Variants in ZNF638 observed in about 807,000 individuals in gnomAD.
ZNF638 encodes zinc finger protein 638.
In ZNF638, 46 loss-of-function variants were observed where a neutral mutation model predicts 195.6. The observed-to-expected ratio is 0.24, with a 90% CI of 0.19 to 0.30. The LOEUF is 0.30. Among genes scored for constraint, ZNF638 ranks in the 10% least tolerant of loss-of-function variants. The pLI is 1.00. For synonymous variants in ZNF638, 845 were observed against 772.0 expected (o/e 1.09, Z -1.57); for missense variants, 2,440 against 2,325.3 (o/e 1.05, Z -1.01).
Position 71,406,269 on chromosome 2 carries a change from A to T in ZNF638, c.3135+7A>T, listed in dbSNP as rs202159092. On this transcript the variant is annotated splice_region_variant and intron_variant, in intron 19 of 27. Transcript: ENST00000264447. The stretch of plus-strand genomic sequence containing the variant: ...CATAAGTAATAGAAACAAGGTAACA[A>T]GTTCCCTCATAATTTAGCTATTCAT... The T allele has an allele frequency of 7.5e-6, 12 of 1,608,664 alleles. No individual in the cohort carries two copies. Among genetic ancestry groups the T allele is most frequent in the Non-Finnish European group, 3.4e-6 (4 of 1,175,322 alleles).
intron 8 of ZNF638, among the ~76,000 whole-genome samples, chr2:71,377,675 C>G (rs1470844772): frequency 6.6e-6 from 1 of 152,128 alleles, no homozygotes; most frequent in Non-Finnish European, 1.5e-5. Context: ...TGATCCTACT[C>G]TTGGTGTGAA....
rs1390230159 is a variant in ZNF638 at position 71,365,613 on chromosome 2, A to T, written c.1902A>T (p.Gly634=). 6.2e-7 allele frequency: 1 copy of T among 1,614,184 alleles called. No homozygotes were observed. Among genetic ancestry groups the T allele is most frequent in the Admixed American group, 1.7e-5 (1 of 60,030 alleles). The change falls in exon 6 of 28, where the codon GGA becomes GGT. Residue 634 remains glycine, a synonymous_variant. Coordinates refer to ENST00000264447, the MANE Select transcript of ZNF638 (RefSeq NM_014497.5). ...SATKSDSNLG[G]HSIRCKSKNL... is the part of the protein sequence containing the mutation. ...CAAAGAGTGATTCAAATCTAGGAGG[A>T]CATTCTATTCGTTGTAAATCAAAGA...
At chr2:71,392,704 T>C (rs935058250) in intron 10 of ZNF638, among the ~76,000 whole-genome samples, 5 of 151,858 alleles carry the variant, frequency 3.3e-5, no homozygotes, top group African/African-American at 7.3e-5. Flanking sequence ...CCACCAAAAT[T>C]AGAGAAACTT....
intron 6 of ZNF638, among the ~76,000 whole-genome samples, chr2:71,367,101 G>A (rs528060050): frequency 6.0e-4 from 92 of 152,176 alleles, no homozygotes; most frequent in African/African-American, 2.1e-3. Flanking sequence ...TAATCAACCA[G>A]TAATTAACAG....
chr2:71,350,028 T>C lies in ZNF638; in HGVS notation c.1074T>C (p.Asn358=), dbSNP rs977563593. Residue 358 remains asparagine (N), a synonymous_variant, in exon 2 of 28, where the codon AAT becomes AAC. Transcript: ENST00000264447. ...GGATCCCACATGAACCTGTGATTAATTCATCTAACGTACATGTTGGATCAA... is the reference window on the plus strand; with the variant it reads ...GGATCCCACATGAACCTGTGATTAACTCATCTAACGTACATGTTGGATCAA... ...QERIPHEPVI[N]SSNVHVGSRG... 2.0e-5 allele frequency: 32 copies of C among 1,614,230 alleles called. No individual in the cohort carries two copies. The highest frequency in any genetic ancestry group is 2.7e-5 in the Non-Finnish European group (32 of 1,180,052).
At position 71,422,873 on chromosome 2, in the gene ZNF638, C is replaced by A. The variant is rs771976665; in HGVS notation, c.3359C>A (p.Pro1120His). 6.2e-7 allele frequency: 1 copy of A among 1,613,928 alleles called. No individual in the cohort carries two copies. Among genetic ancestry groups the A allele is most frequent in the South Asian group, 1.1e-5 (1 of 91,068 alleles). Residue 1120 changes from proline to histidine, a missense_variant, in exon 22 of 28, where the codon CCC becomes CAC. Physicochemically the swap from Pro to His is moderately conservative, Grantham distance 77 (BLOSUM62 -2). Around this residue, in one of 5 missense-constraint regions of ZNF638, gnomAD observed 1,883 missense variants for 1,739.1 expected, o/e 1.08. Coordinates refer to ENST00000264447, the MANE Select transcript of ZNF638 (RefSeq NM_014497.5). ...GAGGTGCAAACAGCAACTGATAGTC[C>A]CTCTGTTAAACCTAATGAGCTTGAA... Reference protein sequence around the residue: ...ESEVQTATDSPSVKPNELEEE... With the variant: ...ESEVQTATDSHSVKPNELEEE...
intron 1 of ZNF638, among the ~76,000 whole-genome samples, chr2:71,336,110 G>A (rs975637405): frequency 1.3e-5 from 2 of 152,122 alleles, no homozygotes; most frequent in Admixed American, 1.3e-4. Context: ...GGTGGCTCAC[G>A]CCTGTAATCC....
At chr2:71,408,810 T>A (rs1313104302) in intron 20 of ZNF638, 2 of 375,296 alleles carry the variant, frequency 5.3e-6, no homozygotes, top group South Asian at 4.3e-5. Context: ...TGTGGTGTCC[T>A]TGTGTTGTCA....
chr2:71,423,530 A>G lies in ZNF638; in HGVS notation c.4016A>G (p.Asp1339Gly). The part of the protein sequence containing the change: ...EKAEKNEGRM[D>G]AEKVEKMAAM... The stretch of plus-strand genomic sequence containing the variant: ...GCTGAAAAGAATGAAGGTAGGATGG[A>G]TGCAGAAAAGGTGGAAAAGATGGCA... The change falls in exon 22 of 28, where the codon GAT becomes GGT. Residue 1339 changes from aspartate (D) to glycine (G), a missense_variant. Physicochemically the swap from Asp to Gly is moderately conservative, Grantham distance 94. Around this residue, in one of 5 missense-constraint regions of ZNF638, gnomAD observed 1,883 missense variants for 1,739.1 expected, o/e 1.08. Coordinates refer to ENST00000264447, the MANE Select transcript of ZNF638 (RefSeq NM_014497.5). 6.2e-7 allele frequency: 1 copy of G among 1,614,098 alleles called. No homozygotes were observed. Among genetic ancestry groups the G allele is most frequent in the Non-Finnish European group, 8.5e-7 (1 of 1,180,014 alleles).
chr2:71,348,030 A>T (rs1356605776), intron 1 of ZNF638, among the ~76,000 whole-genome samples: 1 of 152,190 alleles, frequency 6.6e-6, no homozygotes, highest in Non-Finnish European at 1.5e-5. Flanking sequence ...AGTGCTCTAT[A>T]TAGTTAATCA....
chr2:71,380,327 A>G (rs2079513705), intron 9 of ZNF638, 47 bp downstream of exon 9: 1 of 1,396,158 alleles, frequency 7.2e-7, no homozygotes, highest in Admixed American at 2.5e-5. Flanking sequence ...TGTGCATATG[A>G]CTTAAGAAAT....
chr2:71,434,843 T>C lies in ZNF638; in HGVS notation c.*36T>C. 1.3e-6 allele frequency: 2 copies of C among 1,531,500 alleles called. No homozygotes were observed. Among genetic ancestry groups the C allele is most frequent in the South Asian group, 1.2e-5 (1 of 82,356 alleles). The allele number at this position is 1,531,500 out of a possible 1,614,324, so 94.9% of individuals were successfully genotyped here. ...GGAAAGAATTCACTAGAAATTTGTT[T>C]AGGGTCCAGTTGATTTGTGTATTTT... On this transcript the variant is annotated 3_prime_UTR_variant, in exon 28 of 28. Coordinates refer to ENST00000264447, the MANE Select transcript of ZNF638 (RefSeq NM_014497.5).
At chr2:71,346,759 G>T (rs2078856831) in intron 1 of ZNF638, among the ~76,000 whole-genome samples, 1 of 152,102 alleles carries the variant, frequency 6.6e-6, no homozygotes, top group Non-Finnish European at 1.5e-5. Flanking sequence ...GGGCGACGTG[G>T]CTCATACCCC....
rs757706869 is a variant in ZNF638, at chr2:71,426,702, T to G, written c.4833T>G (p.Ala1611=). The change falls in exon 24 of 28, where the codon GCT becomes GCG. Residue 1611 remains alanine (A), a synonymous_variant. Coordinates refer to ENST00000264447, the MANE Select transcript of ZNF638 (RefSeq NM_014497.5). ...AGATTGGGGAAGAGGAAGATGCAGC[T>G]GCACATCTAGCACAAGCTCTAGTCA... is the stretch of plus-strand genomic sequence containing the variant. ...LDEIGEEEDA[A]AHLAQALVTV... The G allele has an allele frequency of 3.7e-6, 6 of 1,614,106 alleles. No homozygotes were observed. The highest frequency in any genetic ancestry group is 5.1e-6 in the Non-Finnish European group (6 of 1,180,044).
At chr2:71,407,362 T>C (rs1224075779) in intron 19 of ZNF638, 1 of 152,334 alleles carries the variant, frequency 6.6e-6, no homozygotes, top group East Asian at 1.9e-4. Context: ...TTTAAAAGAA[T>C]ACCTATCATT....
intron 10 of ZNF638, among the ~76,000 whole-genome samples, chr2:71,383,618 A>G (rs1231877651): frequency 3.4e-5 from 4 of 116,522 alleles, no homozygotes; most frequent in African/African-American, 3.4e-5. Flanking sequence ...TCTGTTGCCT[A>G]GTTTGGAGTA....
chr2:71,375,710 A>G (rs748784924), intron 8 of ZNF638: 1 of 152,212 alleles, frequency 6.6e-6, no homozygotes, highest in Non-Finnish European at 1.5e-5. Flanking sequence ...AATAAAACGG[A>G]GATTAGAAAG....
intron 11 of ZNF638, 75 bp downstream of exon 11, chr2:71,396,266 G>A: frequency 8.2e-7 from 1 of 1,224,732 alleles, no homozygotes; most frequent in Non-Finnish European, 1.2e-6. Context: ...GGCAGTAGTA[G>A]TCTTGGATTT....
In ZNF638 at chr2:71,426,490, T is replaced by A. The variant is rs1370935077; in HGVS notation, c.4621T>A (p.Phe1541Ile). The A allele has an allele frequency of 6.3e-7, 1 of 1,582,848 alleles. No homozygotes were observed. The highest frequency in any genetic ancestry group is 2.2e-5 in the East Asian group (1 of 44,682). The change falls in exon 24 of 28, where the codon TTT becomes ATT. Residue 1541 changes from phenylalanine to isoleucine, a missense_variant. Transcript: ENST00000264447. ...ATTATTTCCATTTAATTTGGATGAATTTGTTACTGTGGATGAGGTTATAGA... is the reference window on the plus strand; with the variant it reads ...ATTATTTCCATTTAATTTGGATGAAATTGTTACTGTGGATGAGGTTATAGA... ...EPLFPFNLDEFVTVDEVIEEV... is the reference protein window; with the variant it reads ...EPLFPFNLDEIVTVDEVIEEV...
Sources: allele counts gnomAD v4.1 joint callset (sites outside exome capture counted in the v4.1 genomes callset), GRCh38; gene constraint gnomAD v4.1.1; regional missense constraint gnomAD v4.1.1; transcripts MANE v1.5; gene names NCBI Gene and HGNC (gene_info 2026-07-23, HGNC 2026-07-21).